The following TEAD3 variants were observed in gnomAD, a reference collection of about 807,000 sequenced individuals.
TEAD3 encodes the protein transcriptional enhancer factor TEF-5.
TEAD3 carries 15 observed loss-of-function variants against 55.6 expected under a neutral mutation model. The ratio of observed to expected loss-of-function variants is 0.27; its 90% confidence interval spans 0.18 to 0.42. The LOEUF is 0.42. TEAD3 is among the 10% of genes least tolerant of loss of function. TEAD3 has a pLI of 1.00. For missense variants in TEAD3, 407 were observed against 576.8 expected, an observed-to-expected ratio of 0.71 and a Z score of 3.01; for synonymous variants, 210 against 232.2, an observed-to-expected ratio of 0.90 and a Z score of 0.87.
chr6:35,490,240 T>A (rs550346360), intron 1 of TEAD3, among the ~76,000 whole-genome samples: 6 of 152,258 alleles, frequency 3.9e-5, no homozygotes, highest in South Asian at 4.1e-4. Flanking sequence ...GCGGGAGCAC[T>A]GTGGCCAAAT....
In TEAD3 at chr6:35,496,582, C is replaced by A. The variant is rs1768661517; in HGVS notation, c.-50+316G>T. 6.6e-6 allele frequency among the ~76,000 whole-genome samples: 1 copy of A among 152,076 alleles called. No individual in the cohort carries two copies. Among genetic ancestry groups the A allele is most frequent in the South Asian group, 2.1e-4 (1 of 4,830 alleles). ...CCTCCACACTGTGCGGCCCCCGGAT[C>A]CCCGCCCCGACCCCCCAAGCACGGA... On this transcript the variant is annotated intron_variant, in intron 1 of 12. Transcript: ENST00000639578. This position sits in a 1 kb window ranked among gnomAD's most constrained non-coding sequence, Gnocchi z 4.8.
intron 1 of TEAD3, among the ~76,000 whole-genome samples, chr6:35,489,363 CTTCGG>C (rs893241451): frequency 3.3e-5 from 5 of 152,190 alleles, no homozygotes; most frequent in African/African-American, 1.2e-4. Flanking sequence ...GGTAAGCTGG[CTTCGG>C]TTTTATAACC....
In TEAD3 at chr6:35,484,324, G is replaced by A. The variant is rs1276381302; in HGVS notation, c.267+236C>T. ...ACAGGCCCTGGGCAGGGTAGTAGGT[G>A]GTCAGAGAGGACAGTGGGGCCATCT... On this transcript the variant is annotated intron_variant, in intron 3 of 12. Coordinates refer to ENST00000639578, the Ensembl canonical transcript of TEAD3. The surrounding 1 kb of genome is among the most constrained non-coding windows in gnomAD (Gnocchi z 5.8). 1.3e-5 allele frequency among the ~76,000 whole-genome samples: 2 copies of A among 152,156 alleles called. No individual in the cohort carries two copies. Among genetic ancestry groups the A allele is most frequent in the Admixed American group, 1.3e-4 (2 of 15,274 alleles).
Position 35,478,266 on chromosome 6 carries a change from A to G in TEAD3, c.530+9T>C. The G allele has an allele frequency of 1.9e-6, 3 of 1,613,174 alleles. No homozygotes were observed. The highest frequency in any genetic ancestry group is 1.8e-4 in the Middle Eastern group (1 of 5,658). On this transcript the variant is annotated intron_variant, in intron 7 of 12. Transcript: ENST00000639578. ...AAGAGGGCGTGGGATGATGAGCCACAATACTCACTCCTGAGAGGGTCCAGG... is the reference window on the plus strand; with the variant it reads ...AAGAGGGCGTGGGATGATGAGCCACGATACTCACTCCTGAGAGGGTCCAGG...
intron 1 of TEAD3, among the ~76,000 whole-genome samples, chr6:35,495,884 T>C (rs1321349858): frequency 2.6e-5 from 4 of 152,142 alleles, no homozygotes; most frequent in Non-Finnish European, 4.4e-5. Flanking sequence ...GTTCTGCCCC[T>C]ACCTGGAAAG....
downstream of TEAD3, chr6:35,474,051 C>T (rs2150909590): frequency 6.6e-6 from 1 of 152,278 alleles, no homozygotes; most frequent in Non-Finnish European, 1.5e-5. Context: ...GCAGTGCCCA[C>T]CAAGGGTTTG....
At position 35,477,406 on chromosome 6, in the gene TEAD3, C is replaced by T. The variant is rs769178662; in HGVS notation, c.531-34G>A. Reference sequence around the variant, plus strand: ...AGGAGCACAGCCTGGTGAGAGGGTTCCCTCTTCCCTACCTTCCACCTGGCC... The same window carrying T: ...AGGAGCACAGCCTGGTGAGAGGGTTTCCTCTTCCCTACCTTCCACCTGGCC... On this transcript the variant is annotated intron_variant, in intron 7 of 12. Coordinates refer to ENST00000639578, the Ensembl canonical transcript of TEAD3. The T allele has an allele frequency of 3.8e-6, 6 of 1,583,224 alleles. No individual in the cohort carries two copies. The East Asian group carries it at 1.1e-4, about 30-fold the overall frequency.
rs1274060236 is a variant in TEAD3 at position 35,484,862 on chromosome 6, G to A, written c.203-238C>T. On this transcript the variant is annotated intron_variant, in intron 2 of 12. Coordinates refer to ENST00000639578, the Ensembl canonical transcript of TEAD3. This position sits in a 1 kb window ranked among gnomAD's most constrained non-coding sequence, Gnocchi z 5.8. The stretch of plus-strand genomic sequence containing the variant: ...TGCTCTTCAGGGGAGGGGTGCATGA[G>A]GGGCTGCAGGGTAGGAGGAAGGAGG... 6.6e-6 allele frequency among the ~76,000 whole-genome samples: 1 copy of A among 152,188 alleles called. No homozygotes were observed. Among genetic ancestry groups the A allele is most frequent in the Non-Finnish European group, 1.5e-5 (1 of 68,020 alleles).
intron 1 of TEAD3, among the ~76,000 whole-genome samples, chr6:35,487,548 CAAAAAAAAAAAA>C (rs869103103): frequency 1.8e-5 from 1 of 54,640 alleles, no homozygotes; most frequent in Non-Finnish European, 4.2e-5. Flanking sequence ...CGAGACTCCT[CAAAAAAAAAAAA>C]AAAAAAAAAA....
At chr6:35,493,855 A>C (rs1286855157) in intron 1 of TEAD3, among the ~76,000 whole-genome samples, 1 of 152,212 alleles carries the variant, frequency 6.6e-6, no homozygotes, top group African/African-American at 2.4e-5. Context: ...AGCCACACCC[A>C]GTGTCATCTC....
chr6:35,476,346 G>A, exon 9 of TEAD3: 2 of 1,612,676 alleles, frequency 1.2e-6, no homozygotes, highest in Non-Finnish European at 1.7e-6. Flanking sequence ...GAATACTCCA[G>A]GAGCCGCAGC....
downstream of TEAD3, chr6:35,473,689 C>T (rs1415438334): frequency 2.7e-5 from 4 of 150,152 alleles, no homozygotes; most frequent in Non-Finnish European, 5.9e-5. Flanking sequence ...TGCTCCAACC[C>T]CAAGCTGCAT....
At position 35,485,402 on chromosome 6, in the gene TEAD3, G is replaced by C. The variant is rs886212567; in HGVS notation, c.203-778C>G. Among the ~76,000 whole-genome samples, 2 of 152,150 alleles carry C rather than the reference G, an allele frequency of 1.3e-5. No homozygotes were observed. Among genetic ancestry groups the C allele is most frequent in the Non-Finnish European group, 2.9e-5 (2 of 68,028 alleles). The stretch of plus-strand genomic sequence containing the variant: ...AGTGTCCAGGGACTTGGGCCTGAAA[G>C]GGGGATGCCTGGGCCACACGGCTGA... On this transcript the variant is annotated intron_variant, in intron 2 of 12. Coordinates refer to ENST00000639578, the Ensembl canonical transcript of TEAD3. The surrounding 1 kb of genome is among the most constrained non-coding windows in gnomAD (Gnocchi z 4.3).
intron 4 of TEAD3, 82 bp from the exon 5 acceptor site, chr6:35,479,398 T>C: frequency 6.4e-7 from 1 of 1,552,086 alleles, no homozygotes; most frequent in East Asian, 2.2e-5. Context: ...TGCGCCTACC[T>C]CCACCCAGTG....
chr6:35,484,530 T>C lies in TEAD3; in HGVS notation c.267+30A>G. 1 of 1,583,270 alleles carries C rather than the reference T, an allele frequency of 6.3e-7. No homozygotes were observed. Among genetic ancestry groups the C allele is most frequent in the South Asian group, 1.2e-5 (1 of 86,778 alleles). On this transcript the variant is annotated intron_variant, in intron 3 of 12. Coordinates refer to ENST00000639578, the Ensembl canonical transcript of TEAD3. The surrounding 1 kb of genome is among the most constrained non-coding windows in gnomAD (Gnocchi z 5.8). ...GGGCAGCTGAGACAGAGTGTGTGGGTGGCAGGCCCAGCATAAACCGTCTCT... is the reference window on the plus strand; with the variant it reads ...GGGCAGCTGAGACAGAGTGTGTGGGCGGCAGGCCCAGCATAAACCGTCTCT...
chr6:35,495,795 G>A (rs1768631155), intron 1 of TEAD3, among the ~76,000 whole-genome samples: 1 of 152,198 alleles, frequency 6.6e-6, no homozygotes, highest in African/African-American at 2.4e-5. Flanking sequence ...AGCCGCTATG[G>A]GCACCAGCCC....
Position 35,491,438 on chromosome 6 carries a change from A to G in TEAD3, c.-49-4727T>C, listed in dbSNP as rs1768517125. ...TGGGGAGAAAGAAAAAGACAGGGAC[A>G]AGGACAGAGACCCAGAGGCCAAGGC... On this transcript the variant is annotated intron_variant, in intron 1 of 12. Transcript: ENST00000639578. This position sits in a 1 kb window ranked among gnomAD's most constrained non-coding sequence, Gnocchi z 4.4. 6.6e-6 allele frequency among the ~76,000 whole-genome samples: 1 copy of G among 152,094 alleles called. No homozygotes were observed. The highest frequency in any genetic ancestry group is 2.4e-5 in the African/African-American group (1 of 41,402).
At position 35,496,684 on chromosome 6, in the gene TEAD3, C is replaced by CG. The variant is rs1268828938; in HGVS notation, c.-50+213dup. The stretch of plus-strand genomic sequence containing the variant: ...TTCCCGGACCAACTCGTCCCCGTCG[C>CG]GGGGGGGTGGGGAGGGCGGGGGGCG... On this transcript the variant is annotated intron_variant, in intron 1 of 12. Coordinates refer to ENST00000639578, the Ensembl canonical transcript of TEAD3. This position sits in a 1 kb window ranked among gnomAD's most constrained non-coding sequence, Gnocchi z 4.8. Among the ~76,000 whole-genome samples the CG allele has an allele frequency of 2.6e-5, 4 of 151,952 alleles. No individual in the cohort carries two copies. Among genetic ancestry groups the CG allele is most frequent in the Admixed American group, 6.6e-5 (1 of 15,266 alleles).
At chr6:35,487,346 G>T (rs2150915473) in intron 1 of TEAD3, among the ~76,000 whole-genome samples, 1 of 152,270 alleles carries the variant, frequency 6.6e-6, no homozygotes, top group East Asian at 1.9e-4. Flanking sequence ...GAGGTCAGGT[G>T]TTTGAGACCA....
Sources: gnomAD v4.1 joint callset for allele counts (sites outside exome capture counted in the v4.1 genomes callset) on GRCh38, gnomAD v4.1.1 for gene constraint, Gnocchi (gnomAD v3.1) non-coding constraint, MANE v1.5 for transcripts, NCBI Gene and HGNC (gene_info 2026-07-23, HGNC 2026-07-21) for gene names.